Variants in SPATA21 observed in about 807,000 individuals in gnomAD.
SPATA21 encodes spermatogenesis associated 21.
In SPATA21, 47 loss-of-function variants were observed where a neutral mutation model predicts 54.8. The ratio of observed to expected loss-of-function variants is 0.86; its 90% CI spans 0.68 to 1.09. The LOEUF is 1.09. SPATA21 is among the 50% of genes least tolerant of loss of function. The pLI, the probability that SPATA21 is intolerant of heterozygous loss-of-function variation, is 0.00. For synonymous variants in SPATA21, 245 were observed against 235.3 expected, an observed-to-expected ratio of 1.04 and a Z score of -0.38; for missense variants, 599 against 596.4, an observed-to-expected ratio of 1.00 and a Z score of -0.05.
At chr1:16,429,050 T>A (rs1246882287) in intron 3 of SPATA21, among the ~76,000 whole-genome samples, 1 of 152,116 alleles carries the variant, frequency 6.6e-6, no homozygotes, top group African/African-American at 2.4e-5. Flanking sequence ...GCCTCTCTCC[T>A]AGCCTCCTCC....
intron 11 of SPATA21, chr1:16,400,435 C>T: frequency 8.9e-7 from 1 of 1,126,390 alleles, no homozygotes; most frequent in Non-Finnish European, 1.1e-6. Flanking sequence ...GCTGGGATTG[C>T]TAATCTCTAC....
intron 10 of SPATA21, among the ~76,000 whole-genome samples, chr1:16,403,522 T>A (rs954443685): frequency 2.8e-5 from 4 of 141,340 alleles, no homozygotes; most frequent in Non-Finnish European, 6.1e-5. Context: ...AGAGTCTCAC[T>A]CTGTCACCCA....
intron 7 of SPATA21, chr1:16,408,614 T>G (rs908018323): frequency 1.2e-6 from 1 of 807,648 alleles, no homozygotes; most frequent in African/African-American, 1.9e-5. Context: ...GGCTCACGCC[T>G]GTAATTCCAG....
intron 5 of SPATA21, among the ~76,000 whole-genome samples, chr1:16,413,385 G>A (rs767472494): frequency 1.3e-5 from 2 of 152,252 alleles, no homozygotes; most frequent in African/African-American, 2.4e-5. Context: ...TCTATTGTAC[G>A]TACAGACCAC....
Position 16,398,730 on chromosome 1 carries a change from C to T in SPATA21, c.*35G>A, listed in dbSNP as rs1288410037. 6.2e-6 allele frequency: 10 copies of T among 1,613,440 alleles called. No homozygotes were observed. The highest frequency in any genetic ancestry group is 7.6e-6 in the Non-Finnish European group (9 of 1,179,470). ...CCTGGTGGCCCATCTGTCTACAGGCCTTGAGCAGCTGCCTAGAGTCAGGCC... is the reference window on the plus strand; with the variant it reads ...CCTGGTGGCCCATCTGTCTACAGGCTTTGAGCAGCTGCCTAGAGTCAGGCC... On this transcript the variant is annotated 3_prime_UTR_variant, in exon 13 of 13. Coordinates refer to ENST00000335496, the MANE Select transcript of SPATA21 (RefSeq NM_198546.1).
At chr1:16,436,458 C>T (rs2086588563) in intron 1 of SPATA21, among the ~76,000 whole-genome samples, 1 of 150,554 alleles carries the variant, frequency 6.6e-6, no homozygotes, top group Non-Finnish European at 1.5e-5. Flanking sequence ...CAAAATCTTA[C>T]AAATCACCAC....
chr1:16,424,744 G>C (rs1302816601), intron 3 of SPATA21, among the ~76,000 whole-genome samples: 1 of 151,802 alleles, frequency 6.6e-6, no homozygotes, highest in Admixed American at 6.6e-5. Context: ...TCTTACAAAG[G>C]CTCAGCAGCT....
At chr1:16,410,631 C>CA (rs2085812527) in intron 5 of SPATA21, 1 of 186,890 alleles carries the variant, frequency 5.4e-6, no homozygotes. Flanking sequence ...GGCTGGTCTC[C>CA]AACTCCTGAC....
upstream of SPATA21, among the ~76,000 whole-genome samples, chr1:16,437,703 C>T (rs574802406): frequency 3.3e-5 from 5 of 152,268 alleles, no homozygotes; most frequent in East Asian, 3.9e-4. Context: ...GTACTCAGCA[C>T]CTGGCATAGG....
At chr1:16,431,311 G>T in intron 3 of SPATA21, 27 bp downstream of exon 3, 2 of 1,614,116 alleles carry the variant, frequency 1.2e-6, no homozygotes, top group Non-Finnish European at 8.5e-7. Context: ...CCAGGACTTG[G>T]CTGCGTCCCT....
At chr1:16,400,547 G>T (rs965057507) in intron 11 of SPATA21, 173 bp downstream of exon 11, 10 of 1,419,618 alleles carry the variant, frequency 7.0e-6, no homozygotes, top group Middle Eastern at 2.7e-4. Context: ...AGGCCTGGAT[G>T]GAAAATAGTG....
At chr1:16,410,837 C>T (rs767718179) in intron 5 of SPATA21, 18 of 402,564 alleles carry the variant, frequency 4.5e-5, no homozygotes, top group Non-Finnish European at 8.6e-5. Context: ...TGTTCCACCG[C>T]GCCCGGCTGA....
downstream of SPATA21, chr1:16,398,204 C>T (rs980010001): frequency 5.6e-6 from 1 of 177,918 alleles, no homozygotes; most frequent in Non-Finnish European, 1.1e-5. Context: ...GCTTATTTAA[C>T]CCTGGGGGAT....
At chr1:16,401,086 C>A (rs1164408473) in intron 10 of SPATA21, among the ~76,000 whole-genome samples, 194 bp from the exon 11 acceptor site, 2 of 152,190 alleles carry the variant, frequency 1.3e-5, no homozygotes, top group Non-Finnish European at 2.9e-5. Context: ...CTCAGTCACC[C>A]TGTGTAAAAT....
intron 7 of SPATA21, among the ~76,000 whole-genome samples, chr1:16,406,111 CT>C (rs921149627): frequency 6.6e-6 from 1 of 151,796 alleles, no homozygotes; most frequent in Non-Finnish European, 1.5e-5. Flanking sequence ...GACCACAGCC[CT>C]TTTTTCTTTT....
At position 16,421,990 on chromosome 1, in the gene SPATA21, T is replaced by C. The variant is rs111737831; in HGVS notation, c.35-19A>G. The stretch of plus-strand genomic sequence containing the variant: ...TTTTCCTCTGGAGCCACGACGGACA[T>C]TGGGGGCATTGCTTCCTGAGAGCTG... On this transcript the variant is annotated intron_variant, in intron 3 of 12. Transcript: ENST00000335496. This position sits in a 1 kb window ranked among gnomAD's most constrained non-coding sequence, Gnocchi z 5.2. 3,025 of 1,614,158 alleles carry C rather than the reference T, an allele frequency of 1.9e-3. 31 individuals carry two copies. In the African/African-American group the frequency reaches 0.032, roughly 17 times the overall value.
At chr1:16,407,121 G>A (rs914956644) in intron 7 of SPATA21, among the ~76,000 whole-genome samples, 1 of 152,220 alleles carries the variant, frequency 6.6e-6, no homozygotes, top group African/African-American at 2.4e-5. Flanking sequence ...GCCTCTGTTA[G>A]CCTGGAAGTC....
intron 2 of SPATA21, 51 bp downstream of exon 2, chr1:16,432,739 G>T (rs1233960461): frequency 6.6e-6 from 1 of 152,182 alleles, no homozygotes; most frequent in Non-Finnish European, 1.5e-5. Flanking sequence ...TAGTTTCCAG[G>T]AGTAAATCCT....
At chr1:16,435,595 G>C in intron 1 of SPATA21, among the ~76,000 whole-genome samples, 1 of 151,418 alleles carries the variant, frequency 6.6e-6, no homozygotes, top group East Asian at 1.9e-4. Flanking sequence ...GGGATTACAG[G>C]TGTGAGCCAC....
Sources: allele counts gnomAD v4.1 joint callset (sites outside exome capture counted in the v4.1 genomes callset), GRCh38; gene constraint gnomAD v4.1.1; non-coding constraint Gnocchi (gnomAD v3.1); transcripts MANE v1.5; gene names NCBI Gene and HGNC (gene_info 2026-07-23, HGNC 2026-07-21).